SLC35G2: variants seen among roughly 807,000 people sequenced by gnomAD.
The protein encoded by SLC35G2 is transmembrane protein 22.
Under a neutral mutation model 27.2 loss-of-function variants are expected in SLC35G2, and 20 were observed. The ratio of observed to expected loss-of-function variants is 0.74; its 90% CI spans 0.52 to 1.07. The LOEUF is 1.07. Ranked by LOEUF, SLC35G2 falls within the 50% of genes least tolerant of loss-of-function variation. The pLI, the probability that SLC35G2 is intolerant of heterozygous loss-of-function variation, is 0.00. For missense variants in SLC35G2, 416 were observed against 493.3 expected (o/e 0.84, Z 1.48); for synonymous variants, 148 against 165.3 (o/e 0.90, Z 0.80).
intron 1 of SLC35G2, among the ~76,000 whole-genome samples, chr3:136,848,462 T>C (rs926443493): frequency 2.6e-5 from 4 of 151,824 alleles, no homozygotes. Flanking sequence ...CTACAAAAAA[T>C]ACAAAAATTA....
rs143821457 is a variant in SLC35G2, at chr3:136,829,467, G to A, written c.-19+9839G>A. 5.0e-3 allele frequency among the ~76,000 whole-genome samples: 759 copies of A among 152,134 alleles called. 4 individuals carry two copies. Among genetic ancestry groups the A allele is most frequent in the African/African-American group, 0.017 (708 of 41,502 alleles). ...GAACTCCTGACCTTGTGATCTGCCC[G>A]CCTCAGCCTCCCAAAGTGCTGGGAT... On this transcript the variant is annotated intron_variant, in intron 1 of 1. Transcript: ENST00000446465.
chr3:136,828,848 TC>T (rs1180715418), intron 1 of SLC35G2, among the ~76,000 whole-genome samples: 1 of 152,196 alleles, frequency 6.6e-6, no homozygotes, highest in Non-Finnish European at 1.5e-5. Context: ...AAGATGATTT[TC>T]TCTTGTGGCA....
chr3:136,838,246 C>CATAT lies in SLC35G2; in HGVS notation c.-18-16163_-18-16160dup, dbSNP rs6148084. 245 of 140,940 alleles carry CATAT rather than the reference C, an allele frequency of 1.7e-3. 1 individual carries two copies. Among genetic ancestry groups the CATAT allele is most frequent in the African/African-American group, 6.2e-3 (233 of 37,290 alleles). 8.7% of individuals were successfully genotyped at this position (140,940 alleles called of 1,614,324 possible). A position where few individuals can be genotyped will look rare whatever the true frequency, so the allele number is the denominator to read the frequency against. On this transcript the variant is annotated intron_variant, in intron 1 of 1. Coordinates refer to ENST00000446465, the MANE Select transcript of SLC35G2 (RefSeq NM_025246.3). ...CTCTTCAATTTTGCAGTAGCATATA[C>CATAT]ATATATATATATATATATATATATA...
At chr3:136,846,454 T>G (rs1230329391) in intron 1 of SLC35G2, 4 of 152,252 alleles carry the variant, frequency 2.6e-5, no homozygotes, top group African/African-American at 9.6e-5. Flanking sequence ...TCTGGTTCTA[T>G]TTCATATTCC....
At chr3:136,845,203 C>A (rs929169293) in intron 1 of SLC35G2, among the ~76,000 whole-genome samples, 2 of 152,092 alleles carry the variant, frequency 1.3e-5, no homozygotes, top group African/African-American at 4.8e-5. Flanking sequence ...TTTTTATTTT[C>A]TTTGTTTTCC....
At chr3:136,839,384 A>G (rs1936997949) in intron 1 of SLC35G2, among the ~76,000 whole-genome samples, 3 of 152,232 alleles carry the variant, frequency 2.0e-5, no homozygotes, top group South Asian at 4.1e-4. Context: ...ATCAGGCACC[A>G]TCATAGTCAC....
chr3:136,843,071 C>G (rs1706241278), intron 1 of SLC35G2: 1 of 152,168 alleles, frequency 6.6e-6, no homozygotes, highest in Non-Finnish European at 1.5e-5. Context: ...TGCCTGTAAT[C>G]CCAGCACTTT....
chr3:136,830,373 C>T (rs990961069), intron 1 of SLC35G2, among the ~76,000 whole-genome samples: 5 of 152,116 alleles, frequency 3.3e-5, no homozygotes, highest in African/African-American at 9.7e-5. Flanking sequence ...AGCTCCGCCT[C>T]CCAGGTTCAC....
chr3:136,832,009 G>A (rs748167355), intron 1 of SLC35G2, among the ~76,000 whole-genome samples: 1 of 125,320 alleles, frequency 8.0e-6, no homozygotes, highest in Non-Finnish European at 1.7e-5. Context: ...GCATTTGTGT[G>A]ATCATTCTTC....
intron 1 of SLC35G2, among the ~76,000 whole-genome samples, chr3:136,822,678 G>A (rs1029929669): frequency 1.3e-5 from 2 of 152,184 alleles, no homozygotes; most frequent in African/African-American, 2.4e-5. Context: ...GTGAAAACAC[G>A]TGAAGTTTGT....
At chr3:136,854,372 C>A in intron 1 of SLC35G2, 71 bp from the exon 2 acceptor site, 1 of 959,234 alleles carries the variant, frequency 1.0e-6, no homozygotes, top group Non-Finnish European at 1.5e-6. Context: ...TGAATTGATG[C>A]ATATGATTAT....
intron 1 of SLC35G2, among the ~76,000 whole-genome samples, chr3:136,824,022 G>T (rs1031423546): frequency 6.6e-6 from 1 of 152,210 alleles, no homozygotes; most frequent in Non-Finnish European, 1.5e-5. Context: ...TGGAAAATGA[G>T]TTTACTGTAG....
At position 136,837,816 on chromosome 3, in the gene SLC35G2, C is replaced by G. The variant is rs1198134093; in HGVS notation, c.-18-16627C>G. ...AGAGTTCACATATTTTAAATTTTGA[C>G]ACCACATGTTCCTGGTACAATTAAC... is the stretch of plus-strand genomic sequence containing the variant. On this transcript the variant is annotated intron_variant, in intron 1 of 1. Coordinates refer to ENST00000446465, the MANE Select transcript of SLC35G2 (RefSeq NM_025246.3). 2.0e-5 allele frequency: 3 copies of G among 151,218 alleles called. No homozygotes were observed. In the East Asian group the frequency reaches 5.9e-4, roughly 30 times the overall value. The allele number at this position is 151,218 out of a possible 1,614,324, so 9.4% of individuals were successfully genotyped here. A position where few individuals can be genotyped will look rare whatever the true frequency, so the allele number is the denominator to read the frequency against.
chr3:136,845,686 C>T (rs1332363520), intron 1 of SLC35G2, among the ~76,000 whole-genome samples: 1 of 151,296 alleles, frequency 6.6e-6, no homozygotes, highest in African/African-American at 2.4e-5. Context: ...ATATCCGCCT[C>T]CCAGGTTCAG....
intron 1 of SLC35G2, among the ~76,000 whole-genome samples, chr3:136,845,171 T>C (rs1195849659): frequency 2.0e-5 from 3 of 152,246 alleles, no homozygotes; most frequent in Non-Finnish European, 4.4e-5. Context: ...TAGTTGTCTC[T>C]GAATGGTAGG....
chr3:136,850,168 C>A (rs1172017631), intron 1 of SLC35G2, among the ~76,000 whole-genome samples: 1 of 152,134 alleles, frequency 6.6e-6, no homozygotes, highest in Non-Finnish European at 1.5e-5. Flanking sequence ...ATTGATGGAT[C>A]CAAGTGATAC....
Position 136,851,365 on chromosome 3 carries a change from C to T in SLC35G2, c.-18-3078C>T, listed in dbSNP as rs542597366. 1.4e-4 allele frequency among the ~76,000 whole-genome samples: 22 copies of T among 151,812 alleles called. No homozygotes were observed. The South Asian group carries it at 2.3e-3, about 16-fold the overall frequency. The stretch of plus-strand genomic sequence containing the variant: ...ACAAAAAATTAGCCGGGCGTGGTGG[C>T]GGGAGCCTGTAGTTCCCAGCTACTC... On this transcript the variant is annotated intron_variant, in intron 1 of 1. Transcript: ENST00000446465.
chr3:136,837,126 T>C (rs1480162839), intron 1 of SLC35G2, among the ~76,000 whole-genome samples: 3 of 151,272 alleles, frequency 2.0e-5, no homozygotes, highest in African/African-American at 7.3e-5. Flanking sequence ...TATACTAGTA[T>C]GTATCTACAC....
intron 1 of SLC35G2, chr3:136,838,976 C>T (rs1006112227): frequency 6.6e-6 from 1 of 152,176 alleles, no homozygotes; most frequent in African/African-American, 2.4e-5. Context: ...TAAACAGAAA[C>T]ATAAAAAATC....
Sources: allele counts gnomAD v4.1 joint callset (sites outside exome capture counted in the v4.1 genomes callset), GRCh38; gene constraint gnomAD v4.1.1; transcripts MANE v1.5; gene names NCBI Gene and HGNC (gene_info 2026-07-23, HGNC 2026-07-21).